The following MYO18B variants were observed in gnomAD, a reference collection of about 807,000 sequenced individuals.
MYO18B encodes the protein myosin XVIIIB.
MYO18B carries 204 observed loss-of-function variants against 273.0 expected under a neutral mutation model. The observed-to-expected ratio is 0.75, with a 90% CI of 0.67 to 0.84. The LOEUF (loss-of-function observed/expected upper bound fraction) is 0.84. MYO18B is among the 40% of genes least tolerant of loss of function. The pLI, the probability that MYO18B is intolerant of heterozygous loss-of-function variation, is 0.00. For missense variants in MYO18B, 3,212 were observed against 3,287.6 expected (o/e 0.98, Z 0.56); for synonymous variants, 1,330 against 1,305.7 (o/e 1.02, Z -0.40).
intron 39 of MYO18B, among the ~76,000 whole-genome samples, chr22:25,976,693 A>G (rs2093093340): frequency 6.6e-6 from 1 of 152,064 alleles, no homozygotes; most frequent in African/African-American, 2.4e-5. Context: ...GAAGGCTAGG[A>G]TCTGGCATTG....
chr22:25,996,532 T>A (rs1360694660), intron 40 of MYO18B, among the ~76,000 whole-genome samples: 1 of 152,158 alleles, frequency 6.6e-6, no homozygotes, highest in Non-Finnish European at 1.5e-5. Flanking sequence ...GTGGTCCTGC[T>A]TTTATCAAAC....
At position 26,030,706 on chromosome 22, in the gene MYO18B, G is replaced by T. The variant is rs985413263; in HGVS notation, c.*276G>T. The T allele has an allele frequency of 2.6e-5, 10 of 383,362 alleles. No homozygotes were observed. The highest frequency in any genetic ancestry group is 4.6e-5 in the Non-Finnish European group (10 of 216,846). 23.7% of individuals were successfully genotyped at this position (383,362 alleles called of 1,614,324 possible). On this transcript the variant is annotated 3_prime_UTR_variant, in exon 44 of 44. Transcript: ENST00000335473. ...CAGAGAGTTGATGGGGTGCAGATAGGGGTAGGACTGTTAGAATAGAACCAA... is the reference window on the plus strand; with the variant it reads ...CAGAGAGTTGATGGGGTGCAGATAGTGGTAGGACTGTTAGAATAGAACCAA...
chr22:25,929,045 C>T (rs568314604), intron 34 of MYO18B, among the ~76,000 whole-genome samples: 12 of 151,816 alleles, frequency 7.9e-5, no homozygotes, highest in Non-Finnish European at 1.5e-4. Context: ...GCCTGTAATC[C>T]CAGCTACTCA....
chr22:25,873,572 C>T (rs1001992600), intron 22 of MYO18B, among the ~76,000 whole-genome samples: 1 of 152,206 alleles, frequency 6.6e-6, no homozygotes, highest in Non-Finnish European at 1.5e-5. Flanking sequence ...TCCCGAGTAG[C>T]TGGGATTACA....
At chr22:25,825,061 G>A (rs138987682) in intron 13 of MYO18B, among the ~76,000 whole-genome samples, 247 of 152,094 alleles carry the variant, frequency 1.6e-3, no homozygotes, top group African/African-American at 4.2e-3. Flanking sequence ...ACACACACAC[G>A]CATAGACACA....
At chr22:25,888,590 A>C (rs1357420904) in intron 25 of MYO18B, among the ~76,000 whole-genome samples, 1 of 152,200 alleles carries the variant, frequency 6.6e-6, no homozygotes, top group African/African-American at 2.4e-5. Flanking sequence ...CAACCATCTG[A>C]GGTCATTGCC....
intron 10 of MYO18B, among the ~76,000 whole-genome samples, chr22:25,784,999 C>T (rs2087320662): frequency 6.6e-6 from 1 of 152,210 alleles, no homozygotes; most frequent in South Asian, 2.1e-4. Context: ...ACTCTCAGTG[C>T]CTCTGTTTTG....
chr22:25,816,399 G>A (rs28439251), intron 12 of MYO18B, among the ~76,000 whole-genome samples: 1 of 152,028 alleles, frequency 6.6e-6, no homozygotes, highest in Non-Finnish European at 1.5e-5. Context: ...CCAATGTGCA[G>A]GTTTGTTACA....
chr22:25,813,404 C>A (rs1024329177), intron 12 of MYO18B, among the ~76,000 whole-genome samples: 2 of 152,054 alleles, frequency 1.3e-5, no homozygotes, highest in African/African-American at 4.8e-5. Context: ...CCCTCACCTT[C>A]CAAGATGAAA....
Position 25,902,600 on chromosome 22 carries a change from C to T in MYO18B, c.4824-13C>T. The T allele has an allele frequency of 6.2e-7, 1 of 1,605,000 alleles. No homozygotes were observed. On this transcript the variant is annotated splice_polypyrimidine_tract_variant and intron_variant, in intron 29 of 43. Transcript: ENST00000335473. ...TGCCTACGGGGCCCTGACACGTGCT[C>T]TGCTTTGCACAGGTTTGACCTGCAG...
In MYO18B at chr22:25,846,174, G is replaced by A. The variant is rs747677489; in HGVS notation, c.3443G>A (p.Gly1148Asp). Reference protein sequence around the residue: ...PVCRAVAGLEGTSQQALQRSR... With the variant: ...PVCRAVAGLEDTSQQALQRSR... ...TGCCGGGCTGTGGCAGGCCTGGAGG[G>A]CACCTCCCAGCAGGCCCTGCAGAGG... Residue 1148 changes from glycine to aspartate, a missense_variant, in exon 19 of 44, where the codon GGC becomes GAC. Gly to Asp is a moderately conservative substitution (Grantham distance 94, BLOSUM62 -1). Coordinates refer to ENST00000335473, the MANE Select transcript of MYO18B (RefSeq NM_032608.7). 2.4e-5 allele frequency: 39 copies of A among 1,611,180 alleles called. No homozygotes were observed. The highest frequency in any genetic ancestry group is 2.5e-5 in the Non-Finnish European group (30 of 1,179,358).
At chr22:25,874,602 G>T (rs2091140920) in intron 23 of MYO18B, among the ~76,000 whole-genome samples, 188 bp downstream of exon 23, 1 of 152,212 alleles carries the variant, frequency 6.6e-6, no homozygotes, top group African/African-American at 2.4e-5. Flanking sequence ...TATCCATGAG[G>T]TCGGCCTTGC....
intron 33 of MYO18B, among the ~76,000 whole-genome samples, chr22:25,913,294 G>T (rs1195710696): frequency 1.3e-5 from 2 of 152,234 alleles, no homozygotes; most frequent in South Asian, 2.1e-4. Flanking sequence ...CAGGCATCGG[G>T]TGCTAAATGG....
chr22:26,053,808 G>A, the MYO18B span, among the ~76,000 whole-genome samples: 2 of 152,126 alleles, frequency 1.3e-5, no homozygotes, highest in African/African-American at 2.4e-5. Context: ...AATCAGACCC[G>A]GACTAGCTAT....
chr22:25,760,434 A>AAAAAC (rs59165419), intron 1 of MYO18B, among the ~76,000 whole-genome samples: 5,268 of 110,928 alleles, frequency 0.047, 369 homozygotes, highest in Non-Finnish European at 0.058. Flanking sequence ...AAAAAAAAAA[A>AAAAAC]CACAAAAACA....
chr22:25,744,171 G>A (rs1308532208), intron 1 of MYO18B, among the ~76,000 whole-genome samples: 1 of 152,106 alleles, frequency 6.6e-6, no homozygotes, highest in African/African-American at 2.4e-5. Context: ...ACTTTATTAG[G>A]GTCTAACTAT....
chr22:25,830,292 C>G (rs1214601800), intron 15 of MYO18B, among the ~76,000 whole-genome samples: 3 of 151,942 alleles, frequency 2.0e-5, no homozygotes, highest in African/African-American at 7.3e-5. Flanking sequence ...ACGTGGAAAA[C>G]AGAGATAATA....
intron 3 of MYO18B, among the ~76,000 whole-genome samples, chr22:25,766,973 G>A (rs1448127445): frequency 6.6e-5 from 10 of 152,234 alleles, no homozygotes; most frequent in Non-Finnish European, 5.9e-5. Flanking sequence ...GCTTGGCAGG[G>A]TGGAATCAAC....
At chr22:25,886,920 G>T (rs1464262538) in intron 25 of MYO18B, among the ~76,000 whole-genome samples, 1 of 152,126 alleles carries the variant, frequency 6.6e-6, no homozygotes, top group Non-Finnish European at 1.5e-5. Flanking sequence ...TTCTCATAAG[G>T]TATTTGAAGG....
Sources: allele counts gnomAD v4.1 joint callset (sites outside exome capture counted in the v4.1 genomes callset), GRCh38; gene constraint gnomAD v4.1.1; transcripts MANE v1.5; gene names NCBI Gene and HGNC (gene_info 2026-07-23, HGNC 2026-07-21).